Variants in ADAM29 observed in about 807,000 individuals in gnomAD.
ADAM29 encodes disintegrin and metalloproteinase domain-containing protein 29.
For synonymous variants in ADAM29, 367 were observed against 342.3 expected (o/e 1.07, Z -0.80); for missense variants, 969 against 1,001.8 (o/e 0.97, Z 0.44).
intron 3 of ADAM29, among the ~76,000 whole-genome samples, chr4:174,931,778 G>T (rs77278383): frequency 0.18 from 26,804 of 151,546 alleles, 2,872 homozygotes; most frequent in African/African-American, 0.29. Flanking sequence ...TCTCTCGTTA[G>T]TACCTACCAT....
chr4:174,928,923 C>G (rs1376926632), intron 2 of ADAM29, among the ~76,000 whole-genome samples: 1 of 152,258 alleles, frequency 6.6e-6, no homozygotes, highest in East Asian at 1.9e-4. Context: ...CTCTAAGCTG[C>G]AGCGAAAGAA....
At chr4:174,958,445 C>T (rs1172074281) in intron 4 of ADAM29, among the ~76,000 whole-genome samples, 1 of 151,740 alleles carries the variant, frequency 6.6e-6, no homozygotes, top group Non-Finnish European at 1.5e-5. Context: ...CTGATGTCTT[C>T]TTGTCTGAAA....
In ADAM29 at chr4:174,977,714, C is replaced by G. The variant is rs1363053905; in HGVS notation, c.2189C>G (p.Pro730Arg). The G allele has an allele frequency of 6.2e-7, 1 of 1,613,650 alleles. No homozygotes were observed. The change falls in exon 5 of 5, where the codon CCC becomes CGC. Residue 730 changes from proline (P) to arginine (R), a missense_variant. Pro to Arg is a moderately radical substitution (Grantham distance 103). Coordinates refer to ENST00000359240, the MANE Select transcript of ADAM29 (RefSeq NM_014269.4). Reference sequence around the variant, plus strand: ...CAGCGTCGACCTCATGAGTTACCTCCCCAGAGTCAACCTTGGGTGATGCCT... The same window carrying G: ...CAGCGTCGACCTCATGAGTTACCTCGCCAGAGTCAACCTTGGGTGATGCCT... ...KIQRRPHELP[P>R]QSQPWVMPSQ...
At chr4:174,960,533 T>C (rs930664018) in intron 4 of ADAM29, among the ~76,000 whole-genome samples, 2 of 152,132 alleles carry the variant, frequency 1.3e-5, no homozygotes. Context: ...TATATTGTTC[T>C]ACAATTCTCA....
At chr4:174,925,308 G>C (rs1743453581) in intron 2 of ADAM29, among the ~76,000 whole-genome samples, 1 of 152,056 alleles carries the variant, frequency 6.6e-6, no homozygotes, top group African/African-American at 2.4e-5. Context: ...TATAATGTAA[G>C]ATGTTTCTAA....
intron 4 of ADAM29, among the ~76,000 whole-genome samples, chr4:174,948,764 G>A (rs1330440416): frequency 6.6e-6 from 1 of 152,140 alleles, no homozygotes; most frequent in Non-Finnish European, 1.5e-5. Context: ...TGGCAGTGGT[G>A]ATGGGGGCAC....
At chr4:174,966,361 GCTT>G (rs1041765283) in intron 4 of ADAM29, among the ~76,000 whole-genome samples, 6 of 152,060 alleles carry the variant, frequency 3.9e-5, no homozygotes, top group African/African-American at 1.4e-4. Flanking sequence ...AAAATTCAAA[GCTT>G]CTTCTAAGCA....
intron 4 of ADAM29, among the ~76,000 whole-genome samples, chr4:174,965,036 A>G (rs1453188646): frequency 6.6e-6 from 1 of 152,190 alleles, no homozygotes; most frequent in East Asian, 1.9e-4. Context: ...CAAAATCTTT[A>G]GTTATCATTT....
chr4:174,925,723 C>A (rs1057514865), intron 2 of ADAM29, among the ~76,000 whole-genome samples: 3 of 152,108 alleles, frequency 2.0e-5, no homozygotes, highest in Non-Finnish European at 2.9e-5. Context: ...AAGTGGCTAC[C>A]CACGTAGTTT....
chr4:174,977,612 G>T lies in ADAM29; in HGVS notation c.2087G>T (p.Arg696Leu). 6.2e-7 allele frequency: 1 copy of T among 1,613,734 alleles called. No homozygotes were observed. The highest frequency in any genetic ancestry group is 1.1e-5 in the South Asian group (1 of 91,048). The change falls in exon 5 of 5, where the codon CGA becomes CTA. Residue 696 changes from arginine to leucine, a missense_variant. Physicochemically the swap from Arg to Leu is moderately radical, Grantham distance 102. Coordinates refer to ENST00000359240, the MANE Select transcript of ADAM29 (RefSeq NM_014269.4). ...TTTATTTTATTATGTTGTCTTTATC[G>T]ACTTTGTAAAAAAAGTAAACCAATA... ...VLFILLCCLYRLCKKSKPIKK... is the reference protein window; with the variant it reads ...VLFILLCCLYLLCKKSKPIKK...
chr4:174,968,124 G>A (rs916771132), intron 4 of ADAM29, among the ~76,000 whole-genome samples: 4 of 151,798 alleles, frequency 2.6e-5, no homozygotes, highest in Admixed American at 6.6e-5. Context: ...TAAATACTTC[G>A]TCATGAACAC....
In ADAM29 at chr4:174,977,834, C is replaced by T. The variant is rs754736233; in HGVS notation, c.2309C>T (p.Pro770Leu). The T allele has an allele frequency of 1.3e-6, 2 of 1,585,676 alleles. No homozygotes were observed. The highest frequency in any genetic ancestry group is 1.7e-6 in the Non-Finnish European group (2 of 1,164,814). The change falls in exon 5 of 5, where the codon CCT (proline) becomes CTT (leucine). Residue 770 changes from proline (P) to leucine (L), a missense_variant. Coordinates refer to ENST00000359240, the MANE Select transcript of ADAM29 (RefSeq NM_014269.4). ...QPPVTPSQSQ[P>L]RVMPSQSQPP... is the part of the protein sequence containing the mutation. ...CCTGTGACACCCTCCCAGAGTCAAC[C>T]TCGGGTGATGCCTTCTCAGAGTCAA...
chr4:174,929,875 C>A (rs1240625296), intron 2 of ADAM29, among the ~76,000 whole-genome samples: 2 of 151,520 alleles, frequency 1.3e-5, no homozygotes, highest in African/African-American at 4.9e-5. Flanking sequence ...TTCTGTCTCA[C>A]CCTCCCAAGG....
intron 4 of ADAM29, among the ~76,000 whole-genome samples, chr4:174,970,581 T>C (rs1489568144): frequency 5.3e-5 from 8 of 152,196 alleles, no homozygotes; most frequent in African/African-American, 1.7e-4. Context: ...ACTTTCGTTT[T>C]GGCCAATGAA....
chr4:174,960,134 T>C (rs1297962926), intron 4 of ADAM29, among the ~76,000 whole-genome samples: 2 of 152,084 alleles, frequency 1.3e-5, no homozygotes, highest in Non-Finnish European at 2.9e-5. Flanking sequence ...CAAGTGTCTA[T>C]GTGATTTATA....
At chr4:174,928,806 G>A (rs1743676277) in intron 2 of ADAM29, among the ~76,000 whole-genome samples, 2 of 152,116 alleles carry the variant, frequency 1.3e-5, no homozygotes, top group Non-Finnish European at 2.9e-5. Flanking sequence ...ATAGAGACTG[G>A]ATGAAGGCAC....
intron 3 of ADAM29, among the ~76,000 whole-genome samples, chr4:174,932,389 T>G (rs558601292): frequency 3.7e-4 from 57 of 152,314 alleles, no homozygotes; most frequent in Middle Eastern, 3.4e-3. Context: ...AGTTTATAAC[T>G]TCAAATATTA....
At chr4:174,928,679 G>C (rs1387057681) in intron 2 of ADAM29, among the ~76,000 whole-genome samples, 1 of 151,842 alleles carries the variant, frequency 6.6e-6, no homozygotes, top group Non-Finnish European at 1.5e-5. Context: ...TGAAACAAAA[G>C]ATGGGACAGT....
chr4:174,961,023 C>T (rs1183218464), intron 4 of ADAM29, among the ~76,000 whole-genome samples: 2 of 152,144 alleles, frequency 1.3e-5, no homozygotes, highest in African/African-American at 2.4e-5. Flanking sequence ...ATTGTTCTGC[C>T]TTCTTGCTCC....
Sources: gnomAD v4.1 joint callset for allele counts (sites outside exome capture counted in the v4.1 genomes callset) on GRCh38, gnomAD v4.1.1 for gene constraint, MANE v1.5 for transcripts, NCBI Gene and HGNC (gene_info 2026-07-23, HGNC 2026-07-21) for gene names.